Variants in SLC29A3 observed in about 807,000 individuals in gnomAD.
SLC29A3 encodes the protein equilibrative nucleoside transporter 3.
A neutral mutation model predicts 25.4 loss-of-function variants in SLC29A3; 18 were observed. The observed-to-expected ratio is 0.71, with a 90% CI of 0.49 to 1.05. The LOEUF (loss-of-function observed/expected upper bound fraction) is 1.05. Among genes scored for constraint, SLC29A3 ranks in the 50% least tolerant of loss-of-function variants. The pLI is 0.00. For synonymous variants in SLC29A3, 258 were observed against 267.1 expected (o/e 0.97, Z 0.33); for missense variants, 586 against 609.0 (o/e 0.96, Z 0.40).
chr10:71,328,319 G>A (rs369495309), intron 2 of SLC29A3, among the ~76,000 whole-genome samples: 5 of 152,282 alleles, frequency 3.3e-5, no homozygotes, highest in East Asian at 1.9e-4. Flanking sequence ...CCCTGGGCAC[G>A]TCCCCTGAAG....
intron 4 of SLC29A3, 88 bp downstream of exon 4, chr10:71,351,876 C>T (rs2131839574): frequency 8.3e-7 from 1 of 1,201,326 alleles, no homozygotes; most frequent in South Asian, 1.3e-5. Context: ...GTGGCCTTTT[C>T]TGAAAAGGAA....
intron 2 of SLC29A3, among the ~76,000 whole-genome samples, chr10:71,340,299 A>C (rs1846367207): frequency 6.6e-6 from 1 of 152,174 alleles, no homozygotes; most frequent in Admixed American, 6.5e-5. Flanking sequence ...ATGTAAACAG[A>C]GCTGCTGTGG....
intron 4 of SLC29A3, 70 bp downstream of exon 4, chr10:71,351,858 A>G: frequency 7.2e-7 from 1 of 1,386,128 alleles, no homozygotes; most frequent in South Asian, 1.2e-5. Context: ...GCCAGAGATG[A>G]GCATGTGGTG....
At chr10:71,360,358 G>T (rs963780779) in intron 5 of SLC29A3, among the ~76,000 whole-genome samples, 1 of 152,014 alleles carries the variant, frequency 6.6e-6, no homozygotes, top group Admixed American at 6.6e-5. Flanking sequence ...GGTCAGGCTG[G>T]TCTTGAACTC....
chr10:71,337,948 T>A (rs1846297473), intron 2 of SLC29A3, among the ~76,000 whole-genome samples: 1 of 152,230 alleles, frequency 6.6e-6, no homozygotes, highest in Non-Finnish European at 1.5e-5. Context: ...GTTCGCAAAC[T>A]GGGTCAGTGT....
chr10:71,356,340 A>G (rs1846911123), intron 5 of SLC29A3, 97 bp downstream of exon 5: 2 of 1,470,664 alleles, frequency 1.4e-6, no homozygotes, highest in Admixed American at 1.8e-5. Flanking sequence ...TTCTTTGTCT[A>G]GGTGCTATGG....
intron 2 of SLC29A3, among the ~76,000 whole-genome samples, chr10:71,342,864 G>C (rs1022260203): frequency 9.9e-5 from 15 of 152,232 alleles, no homozygotes; most frequent in African/African-American, 3.6e-4. Context: ...TAATTGCAAG[G>C]CCACCACAGC....
At chr10:71,347,507 C>G (rs762332233) in intron 3 of SLC29A3, among the ~76,000 whole-genome samples, 1 of 152,166 alleles carries the variant, frequency 6.6e-6, no homozygotes, top group Non-Finnish European at 1.5e-5. Context: ...GCACGACTGT[C>G]CCCTGGGCCA....
intron 1 of SLC29A3, 64 bp from the exon 2 acceptor site, chr10:71,322,692 G>C: frequency 1.2e-6 from 2 of 1,600,056 alleles, no homozygotes; most frequent in Non-Finnish European, 1.7e-6. Flanking sequence ...TGGGTCCCCA[G>C]CTGTCCCCCA....
intron 3 of SLC29A3, among the ~76,000 whole-genome samples, chr10:71,368,651 G>A (rs1402081751): frequency 6.6e-6 from 1 of 152,102 alleles, no homozygotes; most frequent in African/African-American, 2.4e-5. Flanking sequence ...CTGGAAAATT[G>A]GGCACCCCAC....
intron 4 of SLC29A3, among the ~76,000 whole-genome samples, chr10:71,353,186 A>G (rs1342543300): frequency 1.3e-5 from 2 of 152,172 alleles, no homozygotes; most frequent in Non-Finnish European, 2.9e-5. Context: ...GTGAGCTTCA[A>G]TCTGTTTGCC....
chr10:71,361,130 CTGTTTTGTTT>C (rs79643634), intron 5 of SLC29A3, among the ~76,000 whole-genome samples: 149 of 152,058 alleles, frequency 9.8e-4, no homozygotes, highest in East Asian at 1.3e-3. Context: ...ATTGGTTTTT[CTGTTTTGTTT>C]TGTTTTGTTT....
chr10:71,329,457 CAAA>C (rs1554814829), intron 2 of SLC29A3, among the ~76,000 whole-genome samples: 5 of 120,462 alleles, frequency 4.2e-5, no homozygotes, highest in Admixed American at 9.3e-5. Flanking sequence ...GACTCTGTCT[CAAA>C]AAAAAAAAAA....
chr10:71,332,949 C>T (rs1564528820), intron 2 of SLC29A3, among the ~76,000 whole-genome samples: 1 of 152,252 alleles, frequency 6.6e-6, no homozygotes, highest in East Asian at 1.9e-4. Context: ...TCCCCACCCG[C>T]GCTGCGCTCC....
chr10:71,364,830 G>A (rs895779288), downstream of SLC29A3: 17 of 152,238 alleles, frequency 1.1e-4, no homozygotes, highest in Admixed American at 5.9e-4. Flanking sequence ...TCCCTTTGCA[G>A]GAGCCTGAAG....
intron 5 of SLC29A3, among the ~76,000 whole-genome samples, chr10:71,357,981 T>C (rs1318710203): frequency 6.6e-6 from 1 of 152,224 alleles, no homozygotes; most frequent in Non-Finnish European, 1.5e-5. Context: ...AAGCTATTTT[T>C]TGCAGTGGCA....
At chr10:71,375,547 G>A (rs1847245077) in intron 3 of SLC29A3, 1 of 151,978 alleles carries the variant, frequency 6.6e-6, no homozygotes, top group South Asian at 2.1e-4. Context: ...TTCTATTTAC[G>A]CCAGGTGATA....
At chr10:71,328,421 G>A (rs1846023163) in intron 2 of SLC29A3, among the ~76,000 whole-genome samples, 1 of 152,156 alleles carries the variant, frequency 6.6e-6, no homozygotes, top group African/African-American at 2.4e-5. Flanking sequence ...CATGGAGACC[G>A]AGCGCTGGCT....
chr10:71,374,278 T>C (rs1263554545), intron 3 of SLC29A3, among the ~76,000 whole-genome samples: 2 of 152,208 alleles, frequency 1.3e-5, no homozygotes, highest in Non-Finnish European at 2.9e-5. Flanking sequence ...ATAGCCAGGA[T>C]TGGTAGAGAT....
Sources: gnomAD v4.1 joint callset for allele counts (sites outside exome capture counted in the v4.1 genomes callset) on GRCh38, gnomAD v4.1.1 for gene constraint, MANE v1.5 for transcripts, NCBI Gene and HGNC (gene_info 2026-07-23, HGNC 2026-07-21) for gene names.